The following CNTNAP5 variants were observed in gnomAD, a reference collection of about 807,000 sequenced individuals.
The protein encoded by CNTNAP5 is contactin associated protein family member 5.
A neutral mutation model predicts 150.2 loss-of-function variants in CNTNAP5; 72 were observed. The observed-to-expected ratio is 0.48, with a 90% CI of 0.40 to 0.58. The LOEUF (loss-of-function observed/expected upper bound fraction) is 0.58. Among genes scored for constraint, CNTNAP5 ranks in the 20% least tolerant of loss-of-function variants. The probability of loss-of-function intolerance (pLI) is 0.00; values close to 1 mark genes in which losing one functional copy is unlikely to be tolerated. For missense variants in CNTNAP5, 1,636 were observed against 1,626.2 expected, an observed-to-expected ratio of 1.01 and a Z score of -0.10; for synonymous variants, 672 against 619.8, an observed-to-expected ratio of 1.08 and a Z score of -1.25.
chr2:124,895,601 G>T (rs1678287508), intron 21 of CNTNAP5, among the ~76,000 whole-genome samples: 1 of 151,498 alleles, frequency 6.6e-6, no homozygotes, highest in Admixed American at 6.6e-5. Flanking sequence ...CTTCAGCCTG[G>T]GTGACAGAGC....
chr2:124,297,875 C>T (rs1256268444), intron 3 of CNTNAP5, among the ~76,000 whole-genome samples: 1 of 149,754 alleles, frequency 6.7e-6, no homozygotes, highest in Non-Finnish European at 1.5e-5. Flanking sequence ...AATGGAGTCT[C>T]ACTCTGTTGC....
At chr2:124,771,969 GACCACCACCATCATCATCACC>G (rs1343454489) in intron 16 of CNTNAP5, among the ~76,000 whole-genome samples, 1 of 138,518 alleles carries the variant, frequency 7.2e-6, no homozygotes, top group South Asian at 2.4e-4. Flanking sequence ...CCATTGCCAC[GACCACCACCATCATCATCACC>G]ACCACCACCA....
intron 1 of CNTNAP5, among the ~76,000 whole-genome samples, chr2:124,130,829 T>C (rs891609898): frequency 6.6e-6 from 1 of 152,188 alleles, no homozygotes; most frequent in African/African-American, 2.4e-5. Flanking sequence ...CTCGGTAATG[T>C]ACTGTGGTCA....
intron 11 of CNTNAP5, among the ~76,000 whole-genome samples, chr2:124,591,740 C>T (rs1696688217): frequency 6.6e-6 from 1 of 152,116 alleles, no homozygotes; most frequent in Non-Finnish European, 1.5e-5. Context: ...TCTTCTCTAC[C>T]TCTGCAGAAA....
intron 14 of CNTNAP5, among the ~76,000 whole-genome samples, chr2:124,752,394 A>G (rs1299523850): frequency 1.3e-5 from 2 of 152,018 alleles, no homozygotes; most frequent in Non-Finnish European, 2.9e-5. Flanking sequence ...AATAACATAC[A>G]TTTCAATAAG....
intron 3 of CNTNAP5, among the ~76,000 whole-genome samples, chr2:124,401,277 TAACA>T (rs1691418869): frequency 6.6e-6 from 1 of 152,212 alleles, no homozygotes; most frequent in East Asian, 1.9e-4. Context: ...GTCAATTACT[TAACA>T]AACATTTATC....
chr2:124,082,027 T>TG (rs2104675551), intron 1 of CNTNAP5, among the ~76,000 whole-genome samples: 1 of 152,244 alleles, frequency 6.6e-6, no homozygotes, highest in African/African-American at 2.4e-5. Flanking sequence ...ATCCTGTAAT[T>TG]TTTGTCCTAT....
At chr2:124,056,567 A>G (rs1248758645) in intron 1 of CNTNAP5, among the ~76,000 whole-genome samples, 1 of 152,212 alleles carries the variant, frequency 6.6e-6, no homozygotes, top group African/African-American at 2.4e-5. Flanking sequence ...AATGGTGTGA[A>G]CATGGGAGGC....
intron 10 of CNTNAP5, among the ~76,000 whole-genome samples, chr2:124,531,000 T>C (rs577643217): frequency 6.6e-5 from 10 of 152,090 alleles, no homozygotes; most frequent in Non-Finnish European, 1.0e-4. Context: ...CACACATTTA[T>C]TGTGCACTTG....
intron 14 of CNTNAP5, among the ~76,000 whole-genome samples, chr2:124,748,888 A>G (rs1276926171): frequency 6.6e-6 from 1 of 152,192 alleles, no homozygotes; most frequent in Non-Finnish European, 1.5e-5. Context: ...AGTTAACCAC[A>G]GGTAGAATGG....
chr2:124,624,721 T>C (rs899115908), intron 12 of CNTNAP5, among the ~76,000 whole-genome samples: 3 of 152,178 alleles, frequency 2.0e-5, no homozygotes, highest in African/African-American at 4.8e-5. Flanking sequence ...GAAAATAGAA[T>C]AGAAGCTGGT....
chr2:124,151,510 A>G (rs1399718356), intron 1 of CNTNAP5, among the ~76,000 whole-genome samples: 3 of 152,214 alleles, frequency 2.0e-5, no homozygotes, highest in Non-Finnish European at 2.9e-5. Flanking sequence ...ACATTGTGTT[A>G]CCGAGATGTT....
At chr2:124,393,793 C>G (rs1267600679) in intron 3 of CNTNAP5, among the ~76,000 whole-genome samples, 1 of 152,202 alleles carries the variant, frequency 6.6e-6, no homozygotes, top group Non-Finnish European at 1.5e-5. Flanking sequence ...TCAGGCTGCA[C>G]CTCACCTGAA....
At chr2:124,353,694 A>G (rs928925606) in intron 3 of CNTNAP5, among the ~76,000 whole-genome samples, 6 of 152,214 alleles carry the variant, frequency 3.9e-5, no homozygotes, top group African/African-American at 1.4e-4. Context: ...ATATCTGTAC[A>G]AGCTTTAAAC....
In CNTNAP5 at chr2:124,056,390, C is replaced by T. The variant is rs376794158; in HGVS notation, c.82+30658C>T. On this transcript the variant is annotated intron_variant, in intron 1 of 23. Coordinates refer to ENST00000682447, the MANE Select transcript of CNTNAP5 (RefSeq NM_001367498.1). ...CTGTAATCCCAGCACTTTGGGAGGC[C>T]GAGGCGAGCAGATCACGAGGTCAGG... 4.6e-5 allele frequency among the ~76,000 whole-genome samples: 7 copies of T among 152,150 alleles called. No individual in the cohort carries two copies. In the East Asian group the frequency reaches 7.7e-4, roughly 17 times the overall value.
chr2:124,107,567 T>C (rs1368391733), intron 1 of CNTNAP5, among the ~76,000 whole-genome samples: 2 of 152,244 alleles, frequency 1.3e-5, no homozygotes, highest in East Asian at 3.8e-4. Flanking sequence ...AGTTCAGTTA[T>C]ATTGATTAGA....
At chr2:124,498,430 T>G (rs1453106666) in intron 7 of CNTNAP5, among the ~76,000 whole-genome samples, 2 of 152,174 alleles carry the variant, frequency 1.3e-5, no homozygotes, top group African/African-American at 4.8e-5. Context: ...CAATTGGTTA[T>G]TATACTCTTG....
intron 7 of CNTNAP5, among the ~76,000 whole-genome samples, chr2:124,481,080 A>G (rs1693753692): frequency 6.6e-6 from 1 of 152,190 alleles, no homozygotes; most frequent in South Asian, 2.1e-4. Context: ...GGAGGCTGGA[A>G]AGTCTGAGAT....
intron 3 of CNTNAP5, among the ~76,000 whole-genome samples, chr2:124,247,671 A>G (rs1324142185): frequency 6.6e-6 from 1 of 152,190 alleles, no homozygotes; most frequent in African/African-American, 2.4e-5. Context: ...TTAAAGGAAG[A>G]TGTATTAAGG....
Sources: allele counts gnomAD v4.1 joint callset (sites outside exome capture counted in the v4.1 genomes callset), GRCh38; gene constraint gnomAD v4.1.1; transcripts MANE v1.5; gene names NCBI Gene and HGNC (gene_info 2026-07-23, HGNC 2026-07-21).